Variants in DSCAM observed in about 807,000 individuals in gnomAD.
The protein encoded by DSCAM is cell adhesion molecule DSCAM.
Under a neutral mutation model 217.7 loss-of-function variants are expected in DSCAM, and 47 were observed. The ratio of observed to expected loss-of-function variants is 0.22; its 90% CI spans 0.17 to 0.28. DSCAM has a LOEUF of 0.28. Ranked by LOEUF, DSCAM falls within the 10% of genes least tolerant of loss-of-function variation. The pLI, the probability that DSCAM is intolerant of heterozygous loss-of-function variation, is 1.00. For missense variants in DSCAM, 2,080 were observed against 2,618.3 expected (o/e 0.79, Z 4.49); for synonymous variants, 1,056 against 1,015.3 (o/e 1.04, Z -0.76).
chr21:40,821,999 T>A (rs868816366), intron 1 of DSCAM, among the ~76,000 whole-genome samples: 82 of 147,816 alleles, frequency 5.5e-4, no homozygotes, highest in African/African-American at 1.9e-3. Flanking sequence ...TGCGCATGTA[T>A]CCCCGAACTT....
At chr21:40,457,285 GA>G (rs529430046) in intron 3 of DSCAM, among the ~76,000 whole-genome samples, 6 of 152,302 alleles carry the variant, frequency 3.9e-5, no homozygotes, top group South Asian at 2.1e-4. Flanking sequence ...GCCAAGGCGG[GA>G]GGATTGCTTG....
chr21:40,095,120 T>C (rs1568937686), intron 20 of DSCAM, among the ~76,000 whole-genome samples: 1 of 152,192 alleles, frequency 6.6e-6, no homozygotes, highest in Non-Finnish European at 1.5e-5. Flanking sequence ...GTGAAAGGCA[T>C]GTCTTACATG....
intron 3 of DSCAM, among the ~76,000 whole-genome samples, chr21:40,548,372 G>C (rs1039146884): frequency 6.6e-6 from 1 of 152,010 alleles, no homozygotes; most frequent in African/African-American, 2.4e-5. Context: ...GTAAGTGAAC[G>C]CTAAACCAGC....
intron 3 of DSCAM, among the ~76,000 whole-genome samples, chr21:40,479,637 A>G (rs2075965383): frequency 6.6e-6 from 1 of 152,136 alleles, no homozygotes; most frequent in South Asian, 2.1e-4. Flanking sequence ...CTTATTCACT[A>G]TCACGAGAAC....
chr21:40,395,738 T>C (rs1168513266), intron 3 of DSCAM, among the ~76,000 whole-genome samples: 1 of 152,194 alleles, frequency 6.6e-6, no homozygotes, highest in African/African-American at 2.4e-5. Flanking sequence ...CAAAGTCTAT[T>C]AAAGATTTTT....
At chr21:40,380,801 C>T (rs2075012612) in intron 3 of DSCAM, among the ~76,000 whole-genome samples, 3 of 152,152 alleles carry the variant, frequency 2.0e-5, no homozygotes, top group Admixed American at 6.5e-5. Context: ...CGGTGGCTCG[C>T]GCCTGTAATC....
Position 40,021,786 on chromosome 21 carries a change from C to A in DSCAM, c.5687-8400G>T, listed in dbSNP as rs182123442. Among the ~76,000 whole-genome samples, 541 of 152,266 alleles carry A rather than the reference C, an allele frequency of 3.6e-3. 2 individuals carry two copies. Among genetic ancestry groups the A allele is most frequent in the Middle Eastern group, 6.8e-3 (2 of 294 alleles). On this transcript the variant is annotated intron_variant, in intron 32 of 32. Transcript: ENST00000400454. ...TACTAGTATCACAAGCTCCTCCTTGCCTCTGGTCCTGAAATGTACAGATTC... is the reference window on the plus strand; with the variant it reads ...TACTAGTATCACAAGCTCCTCCTTGACTCTGGTCCTGAAATGTACAGATTC...
intron 3 of DSCAM, among the ~76,000 whole-genome samples, chr21:40,467,486 A>G (rs536829485): frequency 6.6e-6 from 1 of 152,222 alleles, no homozygotes; most frequent in Non-Finnish European, 1.5e-5. Flanking sequence ...AGCTTTCTAA[A>G]AGTACGTATT....
rs145151289 is a variant in DSCAM, at chr21:40,484,308, C to CCTTAG, written c.509-115068_509-115064dup. Reference sequence around the variant, plus strand: ...AGTTCATCCATCCATCCTATCTATACCTTAGCTTGTCTTTGACTTGACTGT... The same window carrying CCTTAG: ...AGTTCATCCATCCATCCTATCTATACCTTAGCTTAGCTTGTCTTTGACTTGACTGT... On this transcript the variant is annotated intron_variant, in intron 3 of 32. Transcript: ENST00000400454. Among the ~76,000 whole-genome samples the CCTTAG allele has an allele frequency of 7.8e-3, 1,193 of 152,296 alleles. 13 individuals carry two copies. The highest frequency in any genetic ancestry group is 0.027 in the African/African-American group (1,130 of 41,550).
In DSCAM at chr21:40,167,129, C is replaced by T. The variant is rs73904711; in HGVS notation, c.3018+89G>A. 5,005 of 1,157,592 alleles carry T rather than the reference C, an allele frequency of 4.3e-3. 149 individuals are homozygous for T. The African/African-American group carries it at 0.066, about 15-fold the overall frequency. The allele number at this position is 1,157,592 out of a possible 1,614,324, so 71.7% of individuals were successfully genotyped here. A position where few individuals can be genotyped will look rare whatever the true frequency, so the allele number is the denominator to read the frequency against. The stretch of plus-strand genomic sequence containing the variant: ...GAAAAAATAAAAGTTTTGTAAAATT[C>T]GAGAGTCTTGGTGTCATAACACTGA... On this transcript the variant is annotated intron_variant, in intron 16 of 32. Transcript: ENST00000400454.
At chr21:40,647,034 G>T (rs1036088076) in intron 3 of DSCAM, among the ~76,000 whole-genome samples, 2 of 152,212 alleles carry the variant, frequency 1.3e-5, no homozygotes, top group East Asian at 3.8e-4. Flanking sequence ...GATTTTGAAG[G>T]AGGAAAAATT....
Position 40,330,181 on chromosome 21 carries a change from TA to T in DSCAM, c.1783+7919del, listed in dbSNP as rs2074361380. ...AATACATATTATTTTATTTACAATG[TA>T]AAAAATCATGTATATACATTTAAAA... On this transcript the variant is annotated intron_variant, in intron 8 of 32. Transcript: ENST00000400454. Among the ~76,000 whole-genome samples, 3 of 150,212 alleles carry T rather than the reference TA, an allele frequency of 2.0e-5. No homozygotes were observed. The East Asian group carries it at 5.8e-4, about 29-fold the overall frequency.
intron 1 of DSCAM, among the ~76,000 whole-genome samples, chr21:40,824,403 A>ATTT (rs536114434): frequency 1.7e-5 from 2 of 121,030 alleles, no homozygotes. Context: ...TTTATTATTG[A>ATTT]TTTTTTTTTT....
intron 3 of DSCAM, among the ~76,000 whole-genome samples, chr21:40,525,161 T>C (rs1418408055): frequency 6.6e-6 from 1 of 152,196 alleles, no homozygotes; most frequent in Non-Finnish European, 1.5e-5. Flanking sequence ...TCATACTACT[T>C]GTGTTTTTAC....
At chr21:40,640,024 C>T (rs2089858370) in intron 3 of DSCAM, among the ~76,000 whole-genome samples, 1 of 152,156 alleles carries the variant, frequency 6.6e-6, no homozygotes, top group East Asian at 1.9e-4. Flanking sequence ...GAGCTAGCGC[C>T]ATGCACAGAA....
At chr21:40,128,073 C>T (rs1278531141) in intron 19 of DSCAM, among the ~76,000 whole-genome samples, 1 of 151,578 alleles carries the variant, frequency 6.6e-6, no homozygotes, top group Non-Finnish European at 1.5e-5. Flanking sequence ...GGTCAGGGCT[C>T]CCATGTCTCT....
At chr21:40,675,946 T>C (rs772178942) in intron 3 of DSCAM, among the ~76,000 whole-genome samples, 3 of 152,204 alleles carry the variant, frequency 2.0e-5, no homozygotes, top group Non-Finnish European at 4.4e-5. Flanking sequence ...ATAGCCACTA[T>C]TAGTAAAAAG....
chr21:40,615,571 C>A (rs1372973167), intron 3 of DSCAM: 1 of 152,108 alleles, frequency 6.6e-6, no homozygotes, highest in Non-Finnish European at 1.5e-5. Context: ...TTTCCGAGAT[C>A]TTTCATTATT....
chr21:40,209,570 C>A lies in DSCAM; in HGVS notation c.2357-20332G>T, dbSNP rs546788959. Reference sequence around the variant, plus strand: ...CTTCCATTTGGAAGGCACACCATCCCCTTACAATCAACATGAGACAGATGA... The same window carrying A: ...CTTCCATTTGGAAGGCACACCATCCACTTACAATCAACATGAGACAGATGA... On this transcript the variant is annotated intron_variant, in intron 11 of 32. Transcript: ENST00000400454. Among the ~76,000 whole-genome samples the A allele has an allele frequency of 7.9e-5, 12 of 152,274 alleles. No homozygotes were observed. The South Asian group carries it at 2.3e-3, about 29-fold the overall frequency.
Sources: allele counts gnomAD v4.1 joint callset (sites outside exome capture counted in the v4.1 genomes callset), GRCh38; gene constraint gnomAD v4.1.1; transcripts MANE v1.5; gene names NCBI Gene and HGNC (gene_info 2026-07-23, HGNC 2026-07-21).